The following PIKFYVE variants were observed in gnomAD, a reference collection of about 807,000 sequenced individuals.
PIKFYVE encodes 1-phosphatidylinositol 3-phosphate 5-kinase.
PIKFYVE carries 122 observed loss-of-function variants against 257.9 expected under a neutral mutation model. The ratio of observed to expected loss-of-function variants is 0.47; its 90% confidence interval spans 0.41 to 0.55. The LOEUF is 0.55. PIKFYVE is among the 20% of genes least tolerant of loss of function. The probability of loss-of-function intolerance (pLI) is 0.00; values close to 1 mark genes in which losing one functional copy is unlikely to be tolerated. For missense variants in PIKFYVE, 2,160 were observed against 2,536.6 expected (o/e 0.85, Z 3.19); for synonymous variants, 892 against 868.9 (o/e 1.03, Z -0.47).
At chr2:208,279,775 A>G (rs1408885985) in intron 5 of PIKFYVE, among the ~76,000 whole-genome samples, 1 of 152,156 alleles carries the variant, frequency 6.6e-6, no homozygotes, top group Non-Finnish European at 1.5e-5. Context: ...TTTTTGTACC[A>G]GTACCACTGC....
intron 7 of PIKFYVE, among the ~76,000 whole-genome samples, chr2:208,296,522 A>G (rs1043757481): frequency 1.3e-5 from 2 of 152,148 alleles, no homozygotes; most frequent in Non-Finnish European, 2.9e-5. Flanking sequence ...AAATAGTTGG[A>G]TATATGAGTC....
At chr2:208,276,904 T>C (rs1574412338) in intron 4 of PIKFYVE, 74 bp downstream of exon 4, 3 of 1,216,730 alleles carry the variant, frequency 2.5e-6, no homozygotes, top group East Asian at 4.7e-5. Flanking sequence ...TGAAAATGGC[T>C]TAATGCCACT....
Position 208,324,223 on chromosome 2 carries a change from C to G in PIKFYVE, c.2272C>G (p.Arg758Gly), listed in dbSNP as rs766660358. ...GGTTCTTGTTGAGAAAACAGTGTCT[C>G]GGATTGCCCAGGACATGTTATTGGA... is the stretch of plus-strand genomic sequence containing the variant. ...TLVLVEKTVS[R>G]IAQDMLLEHG... is the part of the protein sequence containing the mutation. Residue 758 changes from arginine to glycine, a missense_variant, in exon 18 of 42, where the codon CGG (arginine) becomes GGG (glycine). Physicochemically the swap from Arg to Gly is moderately radical, Grantham distance 125. Coordinates refer to ENST00000264380, the MANE Select transcript of PIKFYVE (RefSeq NM_015040.4). 4.3e-6 allele frequency: 7 copies of G among 1,613,718 alleles called. No individual in the cohort carries two copies. The African/African-American group carries it at 9.4e-5, about 22-fold the overall frequency.
At chr2:208,351,897 G>A (rs1699808723) in intron 38 of PIKFYVE, among the ~76,000 whole-genome samples, 1 of 152,108 alleles carries the variant, frequency 6.6e-6, no homozygotes, top group African/African-American at 2.4e-5. Flanking sequence ...CAACATTGCA[G>A]ATAACATTTC....
chr2:208,285,383 C>T (rs756813860), intron 5 of PIKFYVE, among the ~76,000 whole-genome samples: 1 of 152,220 alleles, frequency 6.6e-6, no homozygotes, highest in Non-Finnish European at 1.5e-5. Context: ...GCGTGAGCCA[C>T]CACGTCTGGC....
chr2:208,316,939 G>A (rs1695597452), intron 15 of PIKFYVE, among the ~76,000 whole-genome samples: 1 of 152,148 alleles, frequency 6.6e-6, no homozygotes, highest in East Asian at 1.9e-4. Context: ...TATGTAGAAA[G>A]CTGAAACTGG....
chr2:208,272,024 G>C (rs527264279), intron 2 of PIKFYVE, among the ~76,000 whole-genome samples: 2 of 152,226 alleles, frequency 1.3e-5, no homozygotes, highest in South Asian at 4.2e-4. Context: ...CACGAGGTCA[G>C]GAGATCAAGA....
intron 27 of PIKFYVE, among the ~76,000 whole-genome samples, chr2:208,336,624 AT>A (rs1034587699): frequency 1.9e-4 from 28 of 148,660 alleles, no homozygotes; most frequent in African/African-American, 3.9e-4. Flanking sequence ...ATAATTTGCT[AT>A]TTTTTTTTTA....
chr2:208,299,445 A>G (rs1270069547), intron 8 of PIKFYVE, among the ~76,000 whole-genome samples: 2 of 151,998 alleles, frequency 1.3e-5, no homozygotes, highest in Non-Finnish European at 2.9e-5. Context: ...ATGTGCCACC[A>G]CACTGAGCTA....
At chr2:208,278,280 C>G (rs1360181304) in intron 5 of PIKFYVE, among the ~76,000 whole-genome samples, 1 of 81,130 alleles carries the variant, frequency 1.2e-5, no homozygotes, top group Non-Finnish European at 2.5e-5. Context: ...TTGTGAAGAT[C>G]TTTCTGTCTG....
intron 10 of PIKFYVE, among the ~76,000 whole-genome samples, chr2:208,303,038 C>T (rs1396592319): frequency 6.6e-6 from 1 of 151,988 alleles, no homozygotes; most frequent in African/African-American, 2.4e-5. Context: ...GCCGAGATTG[C>T]GCCACTGCAC....
At chr2:208,305,226 C>G in intron 12 of PIKFYVE, 1 of 1,447,112 alleles carries the variant, frequency 6.9e-7, no homozygotes, top group Non-Finnish European at 9.1e-7. Context: ...CTCAGCACCA[C>G]CATGCCCAGT....
chr2:208,304,369 GT>G (rs1235163060), intron 11 of PIKFYVE, 51 bp downstream of exon 11: 1 of 1,578,678 alleles, frequency 6.3e-7, no homozygotes, highest in Non-Finnish European at 8.7e-7. Flanking sequence ...TGCTGTGTAT[GT>G]ATGATAAAAT....
At chr2:208,287,336 C>T (rs1252007984) in intron 6 of PIKFYVE, among the ~76,000 whole-genome samples, 3 of 150,480 alleles carry the variant, frequency 2.0e-5, no homozygotes, top group Non-Finnish European at 4.4e-5. Flanking sequence ...TGCAATGGCA[C>T]GATCTCGGCT....
intron 1 of PIKFYVE, among the ~76,000 whole-genome samples, chr2:208,267,502 GTTTTTT>G (rs376773052): frequency 9.2e-6 from 1 of 109,132 alleles, no homozygotes; most frequent in Non-Finnish European, 1.7e-5. Flanking sequence ...TACATTGCCA[GTTTTTT>G]TTTTTTTTTT....
Position 208,335,333 on chromosome 2 carries a change from A to G in PIKFYVE, c.4170A>G (p.Val1390=), listed in dbSNP as rs1339511600. The G allele has an allele frequency of 1.9e-6, 3 of 1,611,444 alleles. No individual in the cohort carries two copies. Among genetic ancestry groups the G allele is most frequent in the African/African-American group, 2.7e-5 (2 of 74,952 alleles). ...FSYSPIRLLE[V]CVPLPKIFIK... The stretch of plus-strand genomic sequence containing the variant: ...ATTCTCCCATTCGGCTTCTTGAAGT[A>G]TGTGTTCCACTCCCCAAAATATTCA... The change falls in exon 25 of 42, where the codon GTA becomes GTG. Residue 1390 remains valine, a synonymous_variant. Coordinates refer to ENST00000264380, the MANE Select transcript of PIKFYVE (RefSeq NM_015040.4).
chr2:208,328,172 T>C lies in PIKFYVE; in HGVS notation c.3619-8T>C. On this transcript the variant is annotated splice_region_variant and splice_polypyrimidine_tract_variant and intron_variant, in intron 20 of 41. Transcript: ENST00000264380. ...CACTTGCTCATCCATTCATTCCTTCTATTTCAGGTGGACTGTCTGAATCCC... is the reference window on the plus strand; with the variant it reads ...CACTTGCTCATCCATTCATTCCTTCCATTTCAGGTGGACTGTCTGAATCCC... 6.2e-7 allele frequency: 1 copy of C among 1,613,690 alleles called. No homozygotes were observed. The highest frequency in any genetic ancestry group is 8.5e-7 in the Non-Finnish European group (1 of 1,179,742).
chr2:208,327,153 A>C (rs1031672586), intron 20 of PIKFYVE, among the ~76,000 whole-genome samples: 1 of 152,188 alleles, frequency 6.6e-6, no homozygotes, highest in African/African-American at 2.4e-5. Context: ...TATTTGTCAG[A>C]TTGACAAAAA....
At chr2:208,330,792 C>A in intron 23 of PIKFYVE, 98 bp downstream of exon 23, 1 of 1,212,342 alleles carries the variant, frequency 8.2e-7, no homozygotes, top group Non-Finnish European at 1.2e-6. Flanking sequence ...GTACTGGATT[C>A]GTTATTTGTT....
Sources: gnomAD v4.1 joint callset for allele counts (sites outside exome capture counted in the v4.1 genomes callset) on GRCh38, gnomAD v4.1.1 for gene constraint, MANE v1.5 for transcripts, NCBI Gene and HGNC (gene_info 2026-07-23, HGNC 2026-07-21) for gene names.